Variants in LINGO2 observed in about 807,000 individuals in gnomAD.
The protein encoded by LINGO2 is leucine rich repeat and Ig domain containing 2, also known as leucine-rich repeat and immunoglobulin-like domain-containing nogo receptor-interacting protein 2.
In LINGO2, 14 loss-of-function variants were observed where a neutral mutation model predicts 30.6. The observed-to-expected ratio is 0.46, with a 90% CI of 0.30 to 0.72. LINGO2 has a LOEUF of 0.72. Among genes scored for constraint, LINGO2 ranks in the 30% least tolerant of loss-of-function variants. The pLI, the probability that LINGO2 is intolerant of heterozygous loss-of-function variation, is 0.07. For synonymous variants in LINGO2, 317 were observed against 288.5 expected (o/e 1.10, Z -1.00); for missense variants, 729 against 751.7 (o/e 0.97, Z 0.35).
At chr9:28,138,212 C>A (rs1827570698) in intron 4 of LINGO2, among the ~76,000 whole-genome samples, 1 of 152,266 alleles carries the variant, frequency 6.6e-6, no homozygotes, top group African/African-American at 2.4e-5. Flanking sequence ...TATCAGACTC[C>A]CCCAAAGATT....
chr9:28,078,704 G>A (rs1223100123), intron 4 of LINGO2, among the ~76,000 whole-genome samples: 2 of 147,830 alleles, frequency 1.4e-5, no homozygotes, highest in Non-Finnish European at 2.9e-5. Context: ...AAATTAGCTG[G>A]GTGTGGTAGT....
the LINGO2 span, among the ~76,000 whole-genome samples, chr9:29,183,800 C>T: frequency 1.3e-5 from 2 of 150,986 alleles, no homozygotes; most frequent in East Asian, 3.9e-4. Context: ...GATGTAGCAT[C>T]TCAACAGAGA....
At chr9:28,597,414 C>T (rs1421013758) in intron 1 of LINGO2, among the ~76,000 whole-genome samples, 1 of 152,122 alleles carries the variant, frequency 6.6e-6, no homozygotes, top group Non-Finnish European at 1.5e-5. Context: ...GCTTAGTGAT[C>T]TTAATGCAGT....
upstream of LINGO2, among the ~76,000 whole-genome samples, chr9:28,673,504 TA>T (rs1829098781): frequency 6.6e-6 from 1 of 151,922 alleles, no homozygotes; most frequent in African/African-American, 2.4e-5. Flanking sequence ...TCGTCTCTAC[TA>T]AAAATAAAAA....
At chr9:28,063,787 T>C (rs1243328610) in intron 4 of LINGO2, among the ~76,000 whole-genome samples, 1 of 152,188 alleles carries the variant, frequency 6.6e-6, no homozygotes, top group Non-Finnish European at 1.5e-5. Flanking sequence ...CTGATGGCTA[T>C]AGTTTGGACA....
At chr9:27,989,792 A>G (rs1257464705) in intron 5 of LINGO2, among the ~76,000 whole-genome samples, 1 of 152,056 alleles carries the variant, frequency 6.6e-6, no homozygotes, top group Non-Finnish European at 1.5e-5. Context: ...AAGAAACAGA[A>G]ATCTGGAAAG....
At chr9:28,226,589 GAAAAAA>G (rs1821154090) in intron 4 of LINGO2, among the ~76,000 whole-genome samples, 1 of 143,108 alleles carries the variant, frequency 7.0e-6, no homozygotes, top group South Asian at 2.2e-4. Context: ...GAGAGAGAAA[GAAAAAA>G]GAAAGAAAGA....
the LINGO2 span, among the ~76,000 whole-genome samples, chr9:28,813,250 G>A: frequency 1.3e-5 from 2 of 152,124 alleles, no homozygotes; most frequent in South Asian, 2.1e-4. Flanking sequence ...AAGACCCTCA[G>A]TGGATGCCTG....
the LINGO2 span, among the ~76,000 whole-genome samples, chr9:28,877,486 C>G: frequency 6.6e-6 from 1 of 152,168 alleles, no homozygotes; most frequent in South Asian, 2.1e-4. Context: ...CCAGTTTTCC[C>G]AGCTCCATTT....
At chr9:28,054,100 G>A (rs896977926) in intron 4 of LINGO2, among the ~76,000 whole-genome samples, 3 of 152,086 alleles carry the variant, frequency 2.0e-5, no homozygotes, top group African/African-American at 7.2e-5. Context: ...GTGATGGGAG[G>A]TGGGGAGAAG....
the LINGO2 span, among the ~76,000 whole-genome samples, chr9:28,948,871 G>T: frequency 1.3e-5 from 2 of 151,568 alleles, no homozygotes; most frequent in Non-Finnish European, 2.9e-5. Flanking sequence ...CTATTTTTAC[G>T]AATACAGTAA....
the LINGO2 span, among the ~76,000 whole-genome samples, chr9:28,729,529 A>G: frequency 6.6e-6 from 1 of 152,124 alleles, no homozygotes; most frequent in Non-Finnish European, 1.5e-5. Flanking sequence ...AGATCCATGA[A>G]TCATTCATCA....
the LINGO2 span, among the ~76,000 whole-genome samples, chr9:29,189,576 G>C: frequency 6.6e-6 from 1 of 151,534 alleles, no homozygotes; most frequent in Admixed American, 6.6e-5. Context: ...ATGGGATGGC[G>C]GCCAGGCAGA....
the LINGO2 span, among the ~76,000 whole-genome samples, chr9:28,795,738 G>A: frequency 6.6e-6 from 1 of 151,894 alleles, no homozygotes; most frequent in Non-Finnish European, 1.5e-5. Context: ...TTTGGTGAGT[G>A]CTAGTTGTTT....
At chr9:28,969,602 T>C in the LINGO2 span, among the ~76,000 whole-genome samples, 1 of 152,146 alleles carries the variant, frequency 6.6e-6, no homozygotes, top group Admixed American at 6.5e-5. Flanking sequence ...AGTCAGGAAG[T>C]GGCTCTAATA....
chr9:28,389,895 T>A (rs1564169494), intron 2 of LINGO2, among the ~76,000 whole-genome samples: 1 of 152,228 alleles, frequency 6.6e-6, no homozygotes. Flanking sequence ...CTGATATGTT[T>A]CTAATATGAG....
At chr9:28,512,949 T>G (rs1207491632) in intron 1 of LINGO2, among the ~76,000 whole-genome samples, 1 of 151,872 alleles carries the variant, frequency 6.6e-6, no homozygotes, top group Non-Finnish European at 1.5e-5. Context: ...GACCACCAGA[T>G]TGGGGGTGGA....
At chr9:28,361,352 T>C (rs191888067) in intron 3 of LINGO2, among the ~76,000 whole-genome samples, 3 of 152,174 alleles carry the variant, frequency 2.0e-5, no homozygotes, top group Non-Finnish European at 4.4e-5. Flanking sequence ...GGGAAAAACA[T>C]AGAGTTCGAT....
At chr9:28,965,014 ATAATCTTATAT>A in the LINGO2 span, among the ~76,000 whole-genome samples, 15 of 152,020 alleles carry the variant, frequency 9.9e-5, no homozygotes, top group South Asian at 3.1e-3. Flanking sequence ...AGATAAGAGA[ATAATCTTATAT>A]TAATCTTATA....
Sources: gnomAD v4.1 joint callset for allele counts (sites outside exome capture counted in the v4.1 genomes callset) on GRCh38, gnomAD v4.1.1 for gene constraint, MANE v1.5 for transcripts, NCBI Gene and HGNC (gene_info 2026-07-23, HGNC 2026-07-21) for gene names.